The following PRH1 variants were observed in gnomAD, a reference collection of about 807,000 sequenced individuals.
The protein encoded by PRH1 is salivary acidic proline-rich phosphoprotein 1/2.
Under a neutral mutation model 7.9 loss-of-function variants are expected in PRH1, and 7 were observed. The observed-to-expected ratio is 0.89, with a 90% CI of 0.50 to 1.67. The LOEUF (loss-of-function observed/expected upper bound fraction) is 1.67, where lower values mean the gene tolerates loss of function less well. PRH1 is among the 40% of genes most tolerant of loss of function. The pLI is 0.00. For synonymous variants in PRH1, 45 were observed against 80.8 expected, an observed-to-expected ratio of 0.56 and a Z score of 2.38; for missense variants, 109 against 223.6, an observed-to-expected ratio of 0.49 and a Z score of 3.27.
chr12:11,127,263 C>G (rs1946165030), intron 1 of PRH1, among the ~76,000 whole-genome samples: 1 of 152,288 alleles, frequency 6.6e-6, no homozygotes, highest in South Asian at 2.1e-4. Flanking sequence ...CATTTGCTAG[C>G]ATGCAAATCA....
chr12:11,011,758 C>T (rs528393271), intron 1 of PRH1, among the ~76,000 whole-genome samples: 30 of 152,186 alleles, frequency 2.0e-4, no homozygotes, highest in African/African-American at 7.0e-4. Context: ...CCCAGGAAGG[C>T]CAACATTCCT....
intron 2 of PRH1, chr12:10,908,515 T>A (rs143948129): frequency 3.1e-6 from 5 of 1,613,900 alleles, no homozygotes; most frequent in Non-Finnish European, 4.2e-6. Flanking sequence ...AGCATGTAGA[T>A]CACTGTGTTC....
Position 11,170,169 on chromosome 12 carries a change from G to C in PRH1, n.39+1253C>G, listed in dbSNP as rs796483053. ...TAGTTAAAATGGGAGATAAGTGAAG[G>C]TAATGAAATGTGCACCATTTAAATA... On this transcript the variant is annotated intron_variant and non_coding_transcript_variant, in intron 1 of 1. Transcript: ENST00000541175. Among the ~76,000 whole-genome samples the C allele has an allele frequency of 7.9e-5, 12 of 152,304 alleles. 1 individual carries two copies. Among genetic ancestry groups the C allele is most frequent in the African/African-American group, 2.9e-4 (12 of 41,558 alleles).
intron 2 of PRH1, among the ~76,000 whole-genome samples, chr12:10,940,148 T>C (rs1412660406): frequency 1.3e-5 from 2 of 152,224 alleles, no homozygotes; most frequent in African/African-American, 4.8e-5. Context: ...ATTCCTAGAA[T>C]GCTGGGTACC....
chr12:10,998,135 G>A (rs759980653), intron 1 of PRH1, among the ~76,000 whole-genome samples: 4 of 152,098 alleles, frequency 2.6e-5, no homozygotes, highest in Non-Finnish European at 5.9e-5. Context: ...CTCTATTCTT[G>A]CTATAGGCTG....
chr12:10,940,227 C>T (rs1008843475), intron 2 of PRH1, among the ~76,000 whole-genome samples: 1 of 152,150 alleles, frequency 6.6e-6, no homozygotes, highest in African/African-American at 2.4e-5. Flanking sequence ...CGCACACACA[C>T]AAACACACAA....
chr12:11,072,179 C>T (rs1386410815), intron 1 of PRH1, among the ~76,000 whole-genome samples: 3 of 152,074 alleles, frequency 2.0e-5, no homozygotes, highest in Non-Finnish European at 2.9e-5. Context: ...TAGAGACAAG[C>T]TCTCACCATG....
intron 1 of PRH1, chr12:11,031,448 G>A (rs564264735): frequency 1.5e-5 from 12 of 826,828 alleles, no homozygotes; most frequent in African/African-American, 6.9e-5. Context: ...CGACCTTCAC[G>A]GTGAGTGTTG....
chr12:11,015,715 G>A (rs1289632876), intron 1 of PRH1, among the ~76,000 whole-genome samples: 1 of 152,122 alleles, frequency 6.6e-6, no homozygotes, highest in Non-Finnish European at 1.5e-5. Context: ...CACTTAGGAG[G>A]TATGTAGTAC....
intron 1 of PRH1, among the ~76,000 whole-genome samples, chr12:10,991,102 T>C (rs1204797365): frequency 6.6e-6 from 1 of 152,194 alleles, no homozygotes; most frequent in Non-Finnish European, 1.5e-5. Flanking sequence ...GAATTAAATA[T>C]TGGCATCAAC....
In PRH1 at chr12:11,081,975, T is replaced by C. The variant is rs1480004001; in HGVS notation, n.124-34787A>G. On this transcript the variant is annotated intron_variant and non_coding_transcript_variant, in intron 1 of 4. Transcript: ENST00000541977. Reference sequence around the variant, plus strand: ...GTTACATGGATTAGTTTAATATAATTTATAATTGTTTCCTTAAGCATTGTA... The same window carrying C: ...GTTACATGGATTAGTTTAATATAATCTATAATTGTTTCCTTAAGCATTGTA... Among the ~76,000 whole-genome samples, 482 of 95,304 alleles carry C rather than the reference T, an allele frequency of 5.1e-3. 1 individual carries two copies. The highest frequency in any genetic ancestry group is 0.015 in the Middle Eastern group (3 of 200). 62.5% of individuals were successfully genotyped at this position (95,304 alleles called of 152,430 possible).
chr12:11,133,588 G>A (rs373741197), intron 1 of PRH1: 6 of 1,614,126 alleles, frequency 3.7e-6, no homozygotes, highest in Non-Finnish European at 5.1e-6. Flanking sequence ...CCTTGGTGCT[G>A]GGATCTTGAG....
At chr12:10,950,260 AGGT>A (rs1208053550) in intron 2 of PRH1, among the ~76,000 whole-genome samples, 7 of 152,262 alleles carry the variant, frequency 4.6e-5, no homozygotes, top group South Asian at 2.1e-4. Flanking sequence ...GGGTCTTATG[AGGT>A]GATCCTCCAT....
At chr12:11,143,985 T>C (rs1271052219) in intron 1 of PRH1, among the ~76,000 whole-genome samples, 1 of 152,062 alleles carries the variant, frequency 6.6e-6, no homozygotes, top group Non-Finnish European at 1.5e-5. Flanking sequence ...CATGTTCCAG[T>C]TGAGGTGATG....
chr12:10,931,714 AC>A (rs1218064297), intron 2 of PRH1, among the ~76,000 whole-genome samples: 65 of 152,206 alleles, frequency 4.3e-4, no homozygotes, highest in African/African-American at 1.5e-3. Context: ...TTTTCCCACC[AC>A]TAATACCACA....
intron 1 of PRH1, among the ~76,000 whole-genome samples, chr12:11,151,896 C>A (rs535434941): frequency 2.0e-5 from 3 of 151,702 alleles, no homozygotes; most frequent in Non-Finnish European, 4.4e-5. Flanking sequence ...ATGGGTTAAA[C>A]CATCTTCACA....
chr12:10,895,777 T>A (rs1949635849), intron 2 of PRH1: 1 of 152,212 alleles, frequency 6.6e-6, no homozygotes. Flanking sequence ...AGTTCCTGAT[T>A]CAGTCAATGA....
chr12:11,070,074 C>T (rs1314594762), intron 1 of PRH1, among the ~76,000 whole-genome samples: 3 of 152,160 alleles, frequency 2.0e-5, no homozygotes, highest in African/African-American at 7.2e-5. Context: ...CCACCACCCA[C>T]AAGGAATGTC....
chr12:11,157,545 T>A (rs1947290284), intron 1 of PRH1, among the ~76,000 whole-genome samples: 2 of 152,254 alleles, frequency 1.3e-5, no homozygotes, highest in South Asian at 4.1e-4. Context: ...TCTCTTATTA[T>A]ACAAATGCTA....
Sources: allele counts gnomAD v4.1 joint callset (sites outside exome capture counted in the v4.1 genomes callset), GRCh38; gene constraint gnomAD v4.1.1; transcripts MANE v1.5; gene names NCBI Gene and HGNC (gene_info 2026-07-23, HGNC 2026-07-21).